The following FAF1 variants were observed in gnomAD, a reference collection of about 807,000 sequenced individuals.
FAF1 encodes FAS-associated factor 1.
Under a neutral mutation model 92.5 loss-of-function variants are expected in FAF1, and 25 were observed. The observed-to-expected ratio is 0.27, with a 90% CI of 0.20 to 0.38. The LOEUF (loss-of-function observed/expected upper bound fraction) is 0.38. FAF1 is among the 10% of genes least tolerant of loss of function. The pLI, the probability that FAF1 is intolerant of heterozygous loss-of-function variation, is 1.00. For missense variants in FAF1, 636 were observed against 793.3 expected (o/e 0.80, Z 2.38); for synonymous variants, 234 against 273.2 (o/e 0.86, Z 1.42).
chr1:50,663,454 G>A (rs1432019948), intron 7 of FAF1, among the ~76,000 whole-genome samples: 2 of 146,794 alleles, frequency 1.4e-5, no homozygotes, highest in African/African-American at 5.2e-5. Flanking sequence ...CCAGGCTGGA[G>A]TGCAATGGCA....
Position 50,923,270 on chromosome 1 carries a change from A to G in FAF1, c.45+36497T>C, listed in dbSNP as rs373674975. 1.8e-4 allele frequency among the ~76,000 whole-genome samples: 28 copies of G among 152,210 alleles called. No individual in the cohort carries two copies. In the South Asian group the frequency reaches 4.6e-3, roughly 25 times the overall value. ...CCATCACTACAAAAAATATTCCAAAAAAATTTAGCCAGGCAAAGGGGTGCA... is the reference window on the plus strand; with the variant it reads ...CCATCACTACAAAAAATATTCCAAAGAAATTTAGCCAGGCAAAGGGGTGCA... On this transcript the variant is annotated intron_variant, in intron 1 of 18. Coordinates refer to ENST00000396153, the MANE Select transcript of FAF1 (RefSeq NM_007051.3).
chr1:50,553,889 T>C (rs897580998), intron 13 of FAF1, among the ~76,000 whole-genome samples: 3 of 151,926 alleles, frequency 2.0e-5, no homozygotes, highest in African/African-American at 7.2e-5. Flanking sequence ...ATTTCCAGTT[T>C]TCAGAGCAGC....
intron 8 of FAF1, among the ~76,000 whole-genome samples, chr1:50,614,274 C>G (rs962239776): frequency 2.0e-5 from 3 of 152,130 alleles, no homozygotes; most frequent in African/African-American, 7.2e-5. Context: ...GTCAATGCCA[C>G]AAATCTGAAA....
chr1:50,885,287 G>A (rs1644649437), intron 1 of FAF1, among the ~76,000 whole-genome samples: 1 of 99,648 alleles, frequency 1.0e-5, no homozygotes, highest in African/African-American at 5.5e-5. Flanking sequence ...CATTCTCTCC[G>A]TGTCTCTTTC....
At chr1:50,941,940 A>G (rs1369910572) in intron 1 of FAF1, among the ~76,000 whole-genome samples, 1 of 152,204 alleles carries the variant, frequency 6.6e-6, no homozygotes, top group Non-Finnish European at 1.5e-5. Context: ...ATGCCAGTAA[A>G]CTGCAGCTGA....
chr1:50,574,898 C>CTTT lies in FAF1; in HGVS notation c.1114-7670_1114-7668dup, dbSNP rs891527014. Among the ~76,000 whole-genome samples, 51 of 71,450 alleles carry CTTT rather than the reference C, an allele frequency of 7.1e-4. 3 individuals carry two copies. The highest frequency in any genetic ancestry group is 1.4e-3 in the African/African-American group (25 of 17,826). 46.9% of individuals were successfully genotyped at this position (71,450 alleles called of 152,430 possible). A position where few individuals can be genotyped will look rare whatever the true frequency, so the allele number is the denominator to read the frequency against. On this transcript the variant is annotated intron_variant, in intron 12 of 18. Coordinates refer to ENST00000396153, the MANE Select transcript of FAF1 (RefSeq NM_007051.3). Reference sequence around the variant, plus strand: ...TTAAGCATATAGAGTTGTATTAACTCTTTTTTTTTTTTTTTTTTTTTTTTT... The same window carrying CTTT: ...TTAAGCATATAGAGTTGTATTAACTCTTTTTTTTTTTTTTTTTTTTTTTTTTTT...
intron 1 of FAF1, among the ~76,000 whole-genome samples, chr1:50,949,044 A>G (rs1254252521): frequency 6.6e-6 from 1 of 152,224 alleles, no homozygotes; most frequent in Admixed American, 6.5e-5. Context: ...AGTCACAGAA[A>G]TGGAACAGTA....
At position 50,567,202 on chromosome 1, in the gene FAF1, A is replaced by G; in HGVS notation, c.1143T>C (p.His381=). The G allele has an allele frequency of 3.7e-6, 6 of 1,609,160 alleles. No homozygotes were observed. Among genetic ancestry groups the G allele is most frequent in the Non-Finnish European group, 5.1e-6 (6 of 1,176,920 alleles). Residue 381 remains histidine, a synonymous_variant, in exon 13 of 19, where the codon CAT becomes CAC. Transcript: ENST00000396153. ...ACACGTTGGTTAACACACTTTCATC[A>G]TGGTGGAGGTAGATAGCAAGAAGCT... is the stretch of plus-strand genomic sequence containing the variant. The part of the protein sequence containing the change: ...DRKLLAIYLH[H]DESVLTNVFC...
intron 6 of FAF1, among the ~76,000 whole-genome samples, chr1:50,708,506 T>A (rs1160310461): frequency 6.6e-6 from 1 of 151,510 alleles, no homozygotes; most frequent in African/African-American, 2.4e-5. Flanking sequence ...TGTTTTGAGA[T>A]GTCTATTAGA....
chr1:50,615,388 C>G (rs1187845266), intron 8 of FAF1, among the ~76,000 whole-genome samples: 1 of 152,108 alleles, frequency 6.6e-6, no homozygotes, highest in Non-Finnish European at 1.5e-5. Flanking sequence ...GCTGTATATA[C>G]CCGTAATGGA....
At chr1:50,637,354 G>A (rs1253032748) in intron 8 of FAF1, among the ~76,000 whole-genome samples, 2 of 151,118 alleles carry the variant, frequency 1.3e-5, no homozygotes, top group Non-Finnish European at 1.5e-5. Flanking sequence ...TCGGGAGGCT[G>A]AGGCAGGAGA....
intron 7 of FAF1, among the ~76,000 whole-genome samples, chr1:50,672,028 T>A (rs1421670745): frequency 8.0e-5 from 12 of 149,332 alleles, no homozygotes; most frequent in Non-Finnish European, 1.3e-4. Flanking sequence ...TCTTTTTTTT[T>A]TTTTTATTAT....
intron 1 of FAF1, among the ~76,000 whole-genome samples, chr1:50,953,185 T>C (rs1645234595): frequency 6.6e-6 from 1 of 152,100 alleles, no homozygotes; most frequent in African/African-American, 2.4e-5. Context: ...AAACAGATGC[T>C]TGAAGGCAGC....
intron 12 of FAF1, among the ~76,000 whole-genome samples, chr1:50,571,518 C>T (rs916585729): frequency 6.6e-6 from 1 of 152,132 alleles, no homozygotes; most frequent in Non-Finnish European, 1.5e-5. Flanking sequence ...CCTGAACTAT[C>T]CATGCAAAAT....
At chr1:50,740,574 ATTCTAT>A (rs1659342660) in intron 5 of FAF1, among the ~76,000 whole-genome samples, 1 of 152,022 alleles carries the variant, frequency 6.6e-6, no homozygotes, top group African/African-American at 2.4e-5. Flanking sequence ...TTCCTATTGT[ATTCTAT>A]TTCTCTTTTT....
intron 7 of FAF1, among the ~76,000 whole-genome samples, chr1:50,700,309 T>TCC (rs1257387499): frequency 6.6e-6 from 1 of 151,950 alleles, no homozygotes; most frequent in Non-Finnish European, 1.5e-5. Flanking sequence ...GAGGTTCTTT[T>TCC]CCCCCCTCTC....
chr1:50,866,730 G>A (rs1644484933), intron 1 of FAF1, among the ~76,000 whole-genome samples: 2 of 152,098 alleles, frequency 1.3e-5, no homozygotes, highest in African/African-American at 4.8e-5. Context: ...TCATGGATGG[G>A]TAGAATCAAT....
chr1:50,646,275 A>G (rs2124263065), intron 8 of FAF1, among the ~76,000 whole-genome samples: 1 of 152,294 alleles, frequency 6.6e-6, no homozygotes, highest in South Asian at 2.1e-4. Context: ...ACATTGGTAA[A>G]AATCGGCTCA....
At chr1:50,870,999 T>G (rs757411705) in intron 1 of FAF1, among the ~76,000 whole-genome samples, 5 of 152,356 alleles carry the variant, frequency 3.3e-5, no homozygotes, top group African/African-American at 1.2e-4. Flanking sequence ...TACGTGTTAC[T>G]CTAGTGAATA....
Sources: gnomAD v4.1 joint callset for allele counts (sites outside exome capture counted in the v4.1 genomes callset) on GRCh38, gnomAD v4.1.1 for gene constraint, MANE v1.5 for transcripts, NCBI Gene and HGNC (gene_info 2026-07-23, HGNC 2026-07-21) for gene names.